The following CEP290 variants were observed in gnomAD, a reference collection of about 807,000 sequenced individuals.
CEP290 encodes the protein centrosomal protein of 290 kDa.
Under a neutral mutation model 344.9 loss-of-function variants are expected in CEP290, and 317 were observed. That is an observed-to-expected ratio of 0.92 (90% CI 0.84 to 1.01). The LOEUF (loss-of-function observed/expected upper bound fraction) is 1.01, where lower values mean the gene tolerates loss of function less well. Ranked by LOEUF, CEP290 falls within the 50% of genes least tolerant of loss-of-function variation. CEP290 has a pLI of 0.00. For missense variants in CEP290, 2,754 were observed against 2,761.4 expected, an observed-to-expected ratio of 1.00 and a Z score of 0.06; for synonymous variants, 932 against 895.8, an observed-to-expected ratio of 1.04 and a Z score of -0.72.
In CEP290 at chr12:88,093,890, T is replaced by C; in HGVS notation, c.3189A>G (p.Glu1063=). 6.2e-7 allele frequency: 1 copy of C among 1,613,022 alleles called. No individual in the cohort carries two copies. The highest frequency in any genetic ancestry group is 8.5e-7 in the Non-Finnish European group (1 of 1,179,398). ...GCTGCCTTTCATTTAATTCCTTCAT[T>C]TCCAGCATAGTTATTTTTTTTGAAA... The part of the protein sequence containing the change: ...VSISKKITML[E]MKELNERQRA... Residue 1063 remains glutamate, a synonymous_variant, in exon 28 of 54, where the codon GAA becomes GAG. Transcript: ENST00000552810.
chr12:88,049,367 TGAAG>T lies in CEP290; in HGVS notation c.7253_7256del (p.Pro2418HisfsTer17). ...TAAGATCTTCAATTTCTTCAAAAAA[TGAAG>T]GATCAAAATTTTCCAGTTCTTTTTT... On this transcript the variant is annotated frameshift_variant, in exon 54 of 54. Coordinates refer to ENST00000552810, the MANE Select transcript of CEP290 (RefSeq NM_025114.4). LOFTEE classifies it high-confidence loss of function. 1 of 1,563,526 alleles carries T rather than the reference TGAAG, an allele frequency of 6.4e-7. No homozygotes were observed. Among genetic ancestry groups the T allele is most frequent in the Non-Finnish European group, 8.7e-7 (1 of 1,144,818 alleles).
chr12:88,092,554 C>T, intron 29 of CEP290, 127 bp downstream of exon 29: 2 of 702,754 alleles, frequency 2.8e-6, no homozygotes, highest in Admixed American at 3.5e-5. Flanking sequence ...ATTACTTAAT[C>T]CTGTTCTTAT....
chr12:88,112,383 T>G (rs1277620226), intron 20 of CEP290, among the ~76,000 whole-genome samples: 1 of 152,162 alleles, frequency 6.6e-6, no homozygotes, highest in East Asian at 1.9e-4. Context: ...TAAGTGAATT[T>G]TTCAGTGCTT....
At chr12:88,055,545 T>G in intron 50 of CEP290, 31 bp downstream of exon 50, 1 of 1,530,416 alleles carries the variant, frequency 6.5e-7, no homozygotes, top group Non-Finnish European at 8.8e-7. Context: ...ATGCATTATT[T>G]TATCATGTAA....
rs1477060661 is a variant in CEP290 at position 88,120,093 on chromosome 12, GTAAC to G, written c.1522+17_1522+20del. ...TTGTAAATCAGGTTGCGCAAACTAT[GTAAC>G]TTAAAACATGGCTTACCCACACGCT... is the stretch of plus-strand genomic sequence containing the variant. On this transcript the variant is annotated intron_variant, in intron 15 of 53. Transcript: ENST00000552810. 4 of 1,444,712 alleles carry G rather than the reference GTAAC, an allele frequency of 2.8e-6. No homozygotes were observed. Among genetic ancestry groups the G allele is most frequent in the Non-Finnish European group, 3.7e-6 (4 of 1,093,004 alleles). 89.5% of individuals were successfully genotyped at this position (1,444,712 alleles called of 1,614,324 possible).
chr12:88,059,894 A>G lies in CEP290; in HGVS notation c.6645+4T>C, dbSNP rs2034328716. On this transcript the variant is annotated splice_donor_region_variant and intron_variant, in intron 48 of 53. Coordinates refer to ENST00000552810, the MANE Select transcript of CEP290 (RefSeq NM_025114.4). ...AAAGTTATAATCAGTCATAAAAGTC[A>G]TACTTTTTTAAGTTCTTTACGAAGC... 1 of 1,574,702 alleles carries G rather than the reference A, an allele frequency of 6.4e-7. No individual in the cohort carries two copies. The highest frequency in any genetic ancestry group is 8.6e-7 in the Non-Finnish European group (1 of 1,165,040).
At chr12:88,094,105 AC>A (rs1480970577) in intron 27 of CEP290, 130 bp from the exon 28 acceptor site, 1 of 662,802 alleles carries the variant, frequency 1.5e-6, no homozygotes, top group Non-Finnish European at 2.5e-6. Flanking sequence ...ATTCCATCAG[AC>A]CTGGACTCTA....
chr12:88,084,031 T>C, intron 35 of CEP290, 77 bp from the exon 36 acceptor site: 1 of 871,308 alleles, frequency 1.1e-6, no homozygotes, highest in Non-Finnish European at 1.8e-6. Context: ...TTATATATTT[T>C]CTCTTCAATC....
rs558853818 is a variant in CEP290 at position 88,055,229 on chromosome 12, G to C, written c.6960+347C>G. 3.3e-5 allele frequency among the ~76,000 whole-genome samples: 5 copies of C among 152,266 alleles called. No individual in the cohort carries two copies. In the South Asian group the frequency reaches 1.0e-3, roughly 32 times the overall value. On this transcript the variant is annotated intron_variant, in intron 50 of 53. Transcript: ENST00000552810. ...AGAAATAGGGTGAAATAATCCAAGA[G>C]TGGAAGCTGAGATACCAGCTTGGAA...
At chr12:88,118,356 G>T in intron 17 of CEP290, 127 bp downstream of exon 17, 1 of 720,060 alleles carries the variant, frequency 1.4e-6, no homozygotes, top group Non-Finnish European at 2.3e-6. Flanking sequence ...GGTTATTATT[G>T]TCATTTATTA....
intron 49 of CEP290, among the ~76,000 whole-genome samples, chr12:88,057,711 G>A (rs2034125301): frequency 6.6e-6 from 1 of 152,086 alleles, no homozygotes; most frequent in East Asian, 1.9e-4. Flanking sequence ...ATGTCCATCT[G>A]GGCTGTCCTT....
chr12:88,049,607 T>G (rs1173034801), intron 53 of CEP290, 193 bp from the exon 54 acceptor site: 1 of 465,136 alleles, frequency 2.1e-6, no homozygotes, highest in Non-Finnish European at 3.8e-6. Flanking sequence ...AACTGTCAAG[T>G]CCAGTTATGT....
rs926893310 is a variant in CEP290, at chr12:88,120,353, T to C, written c.1360-77A>G. ...TTTATCAAGTTCATGATTTTTTTTT[T>C]ACTAAGTCTAAAGGAAAATGTACAT... On this transcript the variant is annotated intron_variant, in intron 14 of 53. Coordinates refer to ENST00000552810, the MANE Select transcript of CEP290 (RefSeq NM_025114.4). 52 of 726,926 alleles carry C rather than the reference T, an allele frequency of 7.2e-5. 1 individual carries two copies. In the Admixed American group the frequency reaches 9.1e-4, roughly 13 times the overall value. The allele number at this position is 726,926 out of a possible 1,614,324, so 45.0% of individuals were successfully genotyped here.
intron 6 of CEP290, among the ~76,000 whole-genome samples, chr12:88,133,659 T>C (rs1254755750): frequency 6.6e-6 from 1 of 152,252 alleles, no homozygotes. Flanking sequence ...ATGGTTGAAC[T>C]AATTTACATT....
Position 88,130,576 on chromosome 12 carries a change from G to A in CEP290, c.496-11C>T. 4.5e-6 allele frequency: 7 copies of A among 1,559,648 alleles called. No individual in the cohort carries two copies. Among genetic ancestry groups the A allele is most frequent in the South Asian group, 2.5e-5 (2 of 80,176 alleles). ...CTTTAGACGTTTGTTCTACAGAAAA[G>A]GACAGGAAAACGGTAATTAGAAATG... On this transcript the variant is annotated splice_polypyrimidine_tract_variant and intron_variant, in intron 7 of 53. Transcript: ENST00000552810.
chr12:88,050,032 C>A (rs2033339570), intron 53 of CEP290: 1 of 208,544 alleles, frequency 4.8e-6, no homozygotes, highest in East Asian at 1.5e-4. Context: ...GGAACTATAA[C>A]CTTAGGATTC....
At chr12:88,059,539 C>G (rs867417315) in intron 48 of CEP290, among the ~76,000 whole-genome samples, 2 of 152,142 alleles carry the variant, frequency 1.3e-5, no homozygotes, top group Non-Finnish European at 2.9e-5. Flanking sequence ...TCCCGAGTAG[C>G]TGGGACTACA....
chr12:88,063,916 T>C, intron 45 of CEP290, 65 bp downstream of exon 45: 1 of 1,353,392 alleles, frequency 7.4e-7, no homozygotes, highest in Non-Finnish European at 1.0e-6. Flanking sequence ...CTAATAAAAG[T>C]AAACATAACA....
intron 25 of CEP290, among the ~76,000 whole-genome samples, chr12:88,104,417 CTTTG>C (rs2038122573): frequency 1.3e-5 from 2 of 151,944 alleles, no homozygotes. Context: ...CCTGTCTTGT[CTTTG>C]TTTATGTTTC....
Sources: gnomAD v4.1 joint callset for allele counts (sites outside exome capture counted in the v4.1 genomes callset) on GRCh38, gnomAD v4.1.1 for gene constraint, MANE v1.5 for transcripts, NCBI Gene and HGNC (gene_info 2026-07-23, HGNC 2026-07-21) for gene names.